GAB2: variants seen among roughly 807,000 people sequenced by gnomAD.
The protein encoded by GAB2 is GRB2-associated-binding protein 2.
In GAB2, 26 loss-of-function variants were observed where a neutral mutation model predicts 65.5. The ratio of observed to expected loss-of-function variants is 0.40; its 90% confidence interval spans 0.29 to 0.55. GAB2 has a LOEUF of 0.55. GAB2 is among the 20% of genes least tolerant of loss of function. The pLI is 0.53. For missense variants in GAB2, 884 were observed against 875.8 expected, an observed-to-expected ratio of 1.01 and a Z score of -0.12; for synonymous variants, 321 against 329.6, an observed-to-expected ratio of 0.97 and a Z score of 0.28.
At chr11:78,237,945 C>A (rs1865024645) in intron 3 of GAB2, among the ~76,000 whole-genome samples, 1 of 152,202 alleles carries the variant, frequency 6.6e-6, no homozygotes, top group Admixed American at 6.5e-5. Context: ...CCAAGCACTA[C>A]ATGTTCTCAC....
At chr11:78,383,898 G>T (rs1038725109) in intron 1 of GAB2, among the ~76,000 whole-genome samples, 1 of 152,088 alleles carries the variant, frequency 6.6e-6, no homozygotes, top group African/African-American at 2.4e-5. Context: ...AACTTTACTC[G>T]CCAGGCATTG....
chr11:78,332,996 G>T (rs1026285619), intron 1 of GAB2, among the ~76,000 whole-genome samples: 12 of 152,280 alleles, frequency 7.9e-5, no homozygotes, highest in African/African-American at 2.9e-4. Context: ...AGCAGATCAA[G>T]AATCTCTTAT....
At chr11:78,312,781 C>T (rs1328919408) in intron 1 of GAB2, among the ~76,000 whole-genome samples, 3 of 152,126 alleles carry the variant, frequency 2.0e-5, no homozygotes, top group African/African-American at 7.2e-5. Context: ...GGTTAAGTAA[C>T]TTAATTGTAG....
chr11:78,284,049 G>C (rs1398727029), intron 1 of GAB2, among the ~76,000 whole-genome samples: 1 of 152,016 alleles, frequency 6.6e-6, no homozygotes, highest in Non-Finnish European at 1.5e-5. Context: ...CAAAACTGAG[G>C]TCCTGATATC....
chr11:78,385,829 A>G, intron 1 of GAB2, among the ~76,000 whole-genome samples: 1 of 152,254 alleles, frequency 6.6e-6, no homozygotes, highest in East Asian at 1.9e-4. Flanking sequence ...TCATCAACAG[A>G]ACATTTGGGA....
At chr11:78,398,001 T>C (rs533632848) in intron 1 of GAB2, among the ~76,000 whole-genome samples, 1 of 137,800 alleles carries the variant, frequency 7.3e-6, no homozygotes, top group Non-Finnish European at 1.5e-5. Flanking sequence ...TAGTGTGCTA[T>C]GGTCCTGCCT....
chr11:78,262,509 C>T (rs1040274745), intron 2 of GAB2, among the ~76,000 whole-genome samples: 1 of 152,128 alleles, frequency 6.6e-6, no homozygotes, highest in South Asian at 2.1e-4. Flanking sequence ...CAGGATCTGT[C>T]GCAGAGGGTA....
intron 1 of GAB2, among the ~76,000 whole-genome samples, chr11:78,371,386 T>C (rs1273854397): frequency 1.3e-5 from 2 of 152,232 alleles, no homozygotes; most frequent in African/African-American, 2.4e-5. Context: ...ATAATCAGGA[T>C]ATTACATGGT....
intron 1 of GAB2, among the ~76,000 whole-genome samples, chr11:78,357,840 G>A (rs956542111): frequency 1.3e-5 from 2 of 152,224 alleles, no homozygotes; most frequent in Non-Finnish European, 2.9e-5. Flanking sequence ...CTTTTACACT[G>A]TTGGTGGGGC....
intron 1 of GAB2, among the ~76,000 whole-genome samples, chr11:78,338,212 T>A (rs1176598809): frequency 6.6e-6 from 1 of 152,230 alleles, no homozygotes; most frequent in Non-Finnish European, 1.5e-5. Flanking sequence ...TAATGCCTAT[T>A]CATAATCCCT....
At chr11:78,265,203 C>CACATATATATATATATAT (rs1554980506) in intron 2 of GAB2, among the ~76,000 whole-genome samples, 67 of 144,916 alleles carry the variant, frequency 4.6e-4, no homozygotes, top group Non-Finnish European at 7.9e-4. Context: ...TTCTATACCA[C>CACATATATATATATATAT]ATATATATAT....
At chr11:78,293,114 A>C (rs1027089761) in intron 1 of GAB2, among the ~76,000 whole-genome samples, 4 of 152,230 alleles carry the variant, frequency 2.6e-5, no homozygotes, top group African/African-American at 9.6e-5. Flanking sequence ...ACTAGAATCT[A>C]GGCCTCAGCT....
chr11:78,289,016 A>G (rs1457849728), intron 1 of GAB2, among the ~76,000 whole-genome samples: 6 of 152,260 alleles, frequency 3.9e-5, no homozygotes, highest in Non-Finnish European at 8.8e-5. Context: ...GCTAAGATCA[A>G]GTGAAGAACA....
At chr11:78,319,963 C>T (rs557249765) in intron 1 of GAB2, among the ~76,000 whole-genome samples, 1 of 151,330 alleles carries the variant, frequency 6.6e-6, no homozygotes, top group East Asian at 2.0e-4. Context: ...GCAACCTCTG[C>T]CTCCTGGGTT....
chr11:78,342,753 T>C (rs796677263), intron 1 of GAB2, among the ~76,000 whole-genome samples: 5 of 151,136 alleles, frequency 3.3e-5, no homozygotes, highest in African/African-American at 1.2e-4. Context: ...TGGTAGCTTC[T>C]TTTTTTTGTA....
rs931789649 is a variant in GAB2, at chr11:78,379,161, T to A, written c.75+38485A>T. On this transcript the variant is annotated intron_variant, in intron 1 of 9. Coordinates refer to ENST00000361507, the MANE Select transcript of GAB2 (RefSeq NM_080491.3). ...AGTAACTCCTCCTGTTCACATTACT[T>A]CCTGTTGTGACCTCACGCTTCTTCA... is the stretch of plus-strand genomic sequence containing the variant. Among the ~76,000 whole-genome samples the A allele has an allele frequency of 1.2e-4, 19 of 152,222 alleles. No individual in the cohort carries two copies. The South Asian group carries it at 1.4e-3, about 12-fold the overall frequency.
intron 2 of GAB2, among the ~76,000 whole-genome samples, chr11:78,276,111 CAA>C (rs539148797): frequency 1.7e-4 from 17 of 97,356 alleles, no homozygotes; most frequent in Admixed American, 3.3e-4. Context: ...AAGACTGTCT[CAA>C]AAAAAAAAAA....
Position 78,375,448 on chromosome 11 carries a change from G to A in GAB2, c.75+42198C>T, listed in dbSNP as rs560444031. On this transcript the variant is annotated intron_variant, in intron 1 of 9. Transcript: ENST00000361507. ...GTCTTTTCAGTGGCAAAGACATGGT[G>A]GAAATATTTGTTGGAAAATGTTTAA... Among the ~76,000 whole-genome samples, 3 of 152,180 alleles carry A rather than the reference G, an allele frequency of 2.0e-5. No homozygotes were observed. In the East Asian group the frequency reaches 5.8e-4, roughly 29 times the overall value.
chr11:78,280,816 G>C lies in GAB2; in HGVS notation c.161C>G (p.Ser54Cys). ...DVLEYYKNDHSKKPLRIINLN... is the reference protein window; with the variant it reads ...DVLEYYKNDHCKKPLRIINLN... ...GTTGATGATCCGCAGAGGCTTCTTG[G>C]AGTGATCGTTCTTGTAGTATTCCAG... The change falls in exon 2 of 10, where the codon TCC becomes TGC. Residue 54 changes from serine (S) to cysteine (C), a missense_variant. Coordinates refer to ENST00000361507, the MANE Select transcript of GAB2 (RefSeq NM_080491.3). 6.2e-7 allele frequency: 1 copy of C among 1,614,046 alleles called. No homozygotes were observed. The highest frequency in any genetic ancestry group is 8.5e-7 in the Non-Finnish European group (1 of 1,179,876).
Sources: allele counts gnomAD v4.1 joint callset (sites outside exome capture counted in the v4.1 genomes callset), GRCh38; gene constraint gnomAD v4.1.1; transcripts MANE v1.5; gene names NCBI Gene and HGNC (gene_info 2026-07-23, HGNC 2026-07-21).